Variants in UNC5D observed in about 807,000 individuals in gnomAD.
UNC5D encodes netrin receptor UNC5D.
A neutral mutation model predicts 105.4 loss-of-function variants in UNC5D; 39 were observed. That is an observed-to-expected ratio of 0.37 (90% CI 0.29 to 0.48). UNC5D has a LOEUF of 0.48. Ranked by LOEUF, UNC5D falls within the 20% of genes least tolerant of loss-of-function variation. The probability of loss-of-function intolerance (pLI) is 0.98; values close to 1 mark genes in which losing one functional copy is unlikely to be tolerated. For missense variants in UNC5D, 991 were observed against 1,202.4 expected (o/e 0.82, Z 2.60); for synonymous variants, 452 against 450.4 (o/e 1.00, Z -0.04).
chr8:35,539,062 C>T (rs181505611), intron 1 of UNC5D, among the ~76,000 whole-genome samples: 267 of 152,204 alleles, frequency 1.8e-3, no homozygotes, highest in African/African-American at 6.2e-3. Context: ...TAGATCAACA[C>T]TGACACACCT....
At chr8:35,538,399 A>ATATATATATATG (rs1563513980) in intron 1 of UNC5D, among the ~76,000 whole-genome samples, 20 of 23,502 alleles carry the variant, frequency 8.5e-4, no homozygotes, top group Non-Finnish European at 1.3e-3. Flanking sequence ...AAATAATTAT[A>ATATATATATATG]TATATATATA....
chr8:35,425,613 A>G (rs1455883528), intron 1 of UNC5D, among the ~76,000 whole-genome samples: 1 of 152,162 alleles, frequency 6.6e-6, no homozygotes, highest in Non-Finnish European at 1.5e-5. Flanking sequence ...TTGCTCAAGG[A>G]CAATGCGTTT....
intron 1 of UNC5D, among the ~76,000 whole-genome samples, chr8:35,508,357 A>C (rs772478488): frequency 6.6e-6 from 1 of 152,328 alleles, no homozygotes; most frequent in Non-Finnish European, 1.5e-5. Flanking sequence ...AGATTATTTT[A>C]ATGTTTTAAA....
rs6150550 is a variant in UNC5D, at chr8:35,317,890, T to TG, written c.103+82003_103+82004insG. On this transcript the variant is annotated intron_variant, in intron 1 of 16. Coordinates refer to ENST00000404895, the MANE Select transcript of UNC5D (RefSeq NM_080872.4). ...TTCTACTTAGACAAGACAACTTAGT[T>TG]CTTGGTTGTGTCTTTTGGTCGGTAT... 6.6e-5 allele frequency among the ~76,000 whole-genome samples: 10 copies of TG among 152,186 alleles called. 1 individual carries two copies. The highest frequency in any genetic ancestry group is 6.6e-4 in the Admixed American group (10 of 15,250).
At chr8:35,719,764 ATC>A (rs1209931491) in intron 8 of UNC5D, among the ~76,000 whole-genome samples, 1 of 152,174 alleles carries the variant, frequency 6.6e-6, no homozygotes, top group African/African-American at 2.4e-5. Context: ...CATTTTGCTT[ATC>A]TCTCTATAGG....
intron 1 of UNC5D, among the ~76,000 whole-genome samples, chr8:35,422,458 G>A (rs1417777859): frequency 2.0e-5 from 3 of 152,246 alleles, no homozygotes; most frequent in Non-Finnish European, 4.4e-5. Flanking sequence ...TGGAAACTTA[G>A]CTGTCATACC....
At chr8:35,237,179 GTTTTTTTTTTT>G (rs3073013) in intron 1 of UNC5D, among the ~76,000 whole-genome samples, 18 of 61,794 alleles carry the variant, frequency 2.9e-4, no homozygotes, top group Non-Finnish European at 3.5e-4. Flanking sequence ...TTCCTGAAAA[GTTTTTTTTTTT>G]TTTTTTTTTT....
intron 1 of UNC5D, among the ~76,000 whole-genome samples, chr8:35,441,541 G>A (rs1807402845): frequency 6.6e-6 from 1 of 151,734 alleles, no homozygotes; most frequent in South Asian, 2.1e-4. Context: ...CCTTTTCCTG[G>A]TGGTGCCTTG....
rs2130784787 is a variant in UNC5D, at chr8:35,568,132, T to C, written c.357T>C (p.Thr119=). 6.2e-7 allele frequency: 1 copy of C among 1,614,220 alleles called. No homozygotes were observed. Among genetic ancestry groups the C allele is most frequent in the Non-Finnish European group, 8.5e-7 (1 of 1,180,038 alleles). ...TCCGCGAAGTGTTCATCAATGTTAC[T>C]AGGCAACAGGTGGAGGACTTCCATG... The part of the protein sequence containing the change: ...LKVREVFINV[T]RQQVEDFHGP... The change falls in exon 3 of 17, where the codon ACT becomes ACC. Residue 119 remains threonine (T), a synonymous_variant. Coordinates refer to ENST00000404895, the MANE Select transcript of UNC5D (RefSeq NM_080872.4).
At chr8:35,604,030 T>C (rs983869751) in intron 4 of UNC5D, among the ~76,000 whole-genome samples, 5 of 152,228 alleles carry the variant, frequency 3.3e-5, no homozygotes, top group African/African-American at 1.2e-4. Context: ...ATTGGAGCAT[T>C]TAACCCATTT....
intron 11 of UNC5D, among the ~76,000 whole-genome samples, chr8:35,740,539 G>A (rs936058170): frequency 6.6e-6 from 1 of 152,176 alleles, no homozygotes; most frequent in African/African-American, 2.4e-5. Flanking sequence ...AGTCTGTGCT[G>A]TGACAGTAAT....
At chr8:35,400,286 G>T (rs974521725) in intron 1 of UNC5D, among the ~76,000 whole-genome samples, 1 of 151,852 alleles carries the variant, frequency 6.6e-6, no homozygotes, top group African/African-American at 2.4e-5. Flanking sequence ...AAATCCAAAT[G>T]CATTTTAATA....
At chr8:35,593,046 T>C (rs1408149843) in intron 3 of UNC5D, among the ~76,000 whole-genome samples, 3 of 141,120 alleles carry the variant, frequency 2.1e-5, no homozygotes, top group Admixed American at 7.2e-5. Context: ...GTAGTTTTTA[T>C]ACACACACAC....
At chr8:35,359,395 C>T (rs1191803431) in intron 1 of UNC5D, among the ~76,000 whole-genome samples, 2 of 152,166 alleles carry the variant, frequency 1.3e-5, no homozygotes, top group South Asian at 2.1e-4. Flanking sequence ...GACTTCATCA[C>T]CCCTTTAGAA....
intron 13 of UNC5D, among the ~76,000 whole-genome samples, chr8:35,752,817 A>G (rs1025407889): frequency 6.6e-6 from 1 of 152,234 alleles, no homozygotes; most frequent in Non-Finnish European, 1.5e-5. Context: ...ACTCAGCCAG[A>G]TTTTAAAAGC....
At chr8:35,301,012 A>G (rs1807913067) in intron 1 of UNC5D, among the ~76,000 whole-genome samples, 1 of 152,160 alleles carries the variant, frequency 6.6e-6, no homozygotes, top group African/African-American at 2.4e-5. Context: ...AGCTCTGCCT[A>G]TTGAGAGGGA....
At chr8:35,723,685 A>T (rs1563706653) in intron 9 of UNC5D, among the ~76,000 whole-genome samples, 1 of 152,158 alleles carries the variant, frequency 6.6e-6, no homozygotes, top group Non-Finnish European at 1.5e-5. Context: ...GATTATAGGA[A>T]TGAGCTACTG....
chr8:35,718,178 C>G (rs1363498535), intron 8 of UNC5D, among the ~76,000 whole-genome samples: 2 of 151,848 alleles, frequency 1.3e-5, no homozygotes, highest in Non-Finnish European at 2.9e-5. Flanking sequence ...TTGCCTGAAG[C>G]TTTTGTGACT....
chr8:35,425,381 T>A (rs1806175651), intron 1 of UNC5D, among the ~76,000 whole-genome samples: 1 of 152,140 alleles, frequency 6.6e-6, no homozygotes, highest in Non-Finnish European at 1.5e-5. Flanking sequence ...CATTATTCTC[T>A]TAGCTATCCT....
Sources: gnomAD v4.1 joint callset for allele counts (sites outside exome capture counted in the v4.1 genomes callset) on GRCh38, gnomAD v4.1.1 for gene constraint, MANE v1.5 for transcripts, NCBI Gene and HGNC (gene_info 2026-07-23, HGNC 2026-07-21) for gene names.